Variants in BAZ1B observed in about 807,000 individuals in gnomAD.
BAZ1B encodes tyrosine-protein kinase BAZ1B.
In BAZ1B, 22 loss-of-function variants were observed where a neutral mutation model predicts 153.8. That is an observed-to-expected ratio of 0.14 (90% CI 0.10 to 0.20). The LOEUF (loss-of-function observed/expected upper bound fraction) is 0.20, where lower values mean the gene tolerates loss of function less well. Ranked by LOEUF, BAZ1B falls within the 10% of genes least tolerant of loss-of-function variation. The pLI is 1.00. For synonymous variants in BAZ1B, 676 were observed against 633.4 expected (o/e 1.07, Z -1.01); for missense variants, 1,325 against 1,799.3 (o/e 0.74, Z 4.77).
intron 6 of BAZ1B, among the ~76,000 whole-genome samples, chr7:73,487,422 C>T (rs532815976): frequency 1.3e-5 from 2 of 152,232 alleles, no homozygotes; most frequent in South Asian, 2.1e-4. Context: ...GAGCAAGACC[C>T]TGTCTCTAAA....
chr7:73,460,192 GAAAAAAAA>G (rs782211272), intron 12 of BAZ1B, among the ~76,000 whole-genome samples: 5 of 73,872 alleles, frequency 6.8e-5, no homozygotes, highest in Admixed American at 1.6e-4. Flanking sequence ...CCGTCTCAGG[GAAAAAAAA>G]AAAAAAAAAA....
intron 3 of BAZ1B, among the ~76,000 whole-genome samples, chr7:73,502,555 T>C (rs1790175734): frequency 6.6e-6 from 1 of 151,090 alleles, no homozygotes; most frequent in Admixed American, 6.6e-5. Context: ...GGCAACTTGG[T>C]GAAACCCCAT....
chr7:73,472,087 CTT>C lies in BAZ1B; in HGVS notation c.2594-1606_2594-1605del, dbSNP rs745325640. Among the ~76,000 whole-genome samples the C allele has an allele frequency of 4.9e-4, 75 of 152,294 alleles. 1 individual carries two copies. The highest frequency in any genetic ancestry group is 1.5e-3 in the African/African-American group (64 of 41,574). The stretch of plus-strand genomic sequence containing the variant: ...TTGGTAAAACACTAATATTCTGTCT[CTT>C]GTTTCCATACAAATAACAGAGTATC... On this transcript the variant is annotated intron_variant, in intron 7 of 19. Coordinates refer to ENST00000339594, the MANE Select transcript of BAZ1B (RefSeq NM_032408.4).
intron 1 of BAZ1B, among the ~76,000 whole-genome samples, chr7:73,518,645 C>T (rs1790911142): frequency 6.6e-6 from 1 of 152,048 alleles, no homozygotes; most frequent in African/African-American, 2.4e-5. Flanking sequence ...CAAGGCTTCC[C>T]TGTGCTACCA....
At chr7:73,492,430 G>T (rs1789689188) in intron 5 of BAZ1B, among the ~76,000 whole-genome samples, 1 of 152,178 alleles carries the variant, frequency 6.6e-6, no homozygotes, top group South Asian at 2.1e-4. Context: ...CCAAAGTACT[G>T]GGATTACAGG....
At chr7:73,516,952 C>T (rs1490564774) in intron 1 of BAZ1B, among the ~76,000 whole-genome samples, 3 of 148,322 alleles carry the variant, frequency 2.0e-5, no homozygotes, top group African/African-American at 5.0e-5. Context: ...AGGCTGAGGC[C>T]GGTGGATCAA....
chr7:73,508,258 T>A, intron 3 of BAZ1B, 69 bp downstream of exon 3: 1 of 1,501,920 alleles, frequency 6.7e-7, no homozygotes, highest in Non-Finnish European at 9.1e-7. Flanking sequence ...CATAGAAATG[T>A]GTTCTGTAAC....
chr7:73,445,001 T>A (rs1000632474), intron 16 of BAZ1B, among the ~76,000 whole-genome samples: 10 of 145,264 alleles, frequency 6.9e-5, no homozygotes, highest in African/African-American at 2.6e-4. Flanking sequence ...GAAACAAGGG[T>A]GTAACTCCAT....
At chr7:73,461,300 T>C (rs1052593648) in intron 12 of BAZ1B, among the ~76,000 whole-genome samples, 1 of 152,094 alleles carries the variant, frequency 6.6e-6, no homozygotes, top group Admixed American at 6.6e-5. Context: ...TCTTAAAAGA[T>C]CAATTAATTT....
At position 73,470,348 on chromosome 7, in the gene BAZ1B, T is replaced by C; in HGVS notation, c.2729A>G (p.Asn910Ser). 6.2e-7 allele frequency: 1 copy of C among 1,610,898 alleles called. No homozygotes were observed. The highest frequency in any genetic ancestry group is 1.1e-5 in the South Asian group (1 of 90,598). Reference sequence around the variant, plus strand: ...AAAATTTGGTTTAGGAACTGACCTATTATGGTTTCGATCTGTGCCAATAGG... The same window carrying C: ...AAAATTTGGTTTAGGAACTGACCTACTATGGTTTCGATCTGTGCCAATAGG... ...RTPIGTDRNH[N>S]RYWLFSDEVP... The change falls in exon 8 of 20, where the codon AAT (asparagine) becomes AGT (serine). Residue 910 changes from asparagine (N) to serine (S), a missense_variant. By Grantham distance (46) the Asn-to-Ser change is conservative (BLOSUM62 1). Coordinates refer to ENST00000339594, the MANE Select transcript of BAZ1B (RefSeq NM_032408.4).
At chr7:73,472,635 G>A (rs1015979387) in intron 7 of BAZ1B, among the ~76,000 whole-genome samples, 13 of 152,124 alleles carry the variant, frequency 8.5e-5, no homozygotes, top group Non-Finnish European at 1.6e-4. Context: ...GGAGTGCAAC[G>A]GCATGATCTC....
rs1179550848 is a variant in BAZ1B at position 73,509,321 on chromosome 7, CAA to C, written c.225-852_225-851del. ...TGGGCAACAGAGAGAGACTCAGTCT[CAA>C]AAAACAAACAAACAAAAAAAAACAC... On this transcript the variant is annotated intron_variant, in intron 2 of 19. Transcript: ENST00000339594. Among the ~76,000 whole-genome samples the C allele has an allele frequency of 4.6e-5, 7 of 151,658 alleles. No individual in the cohort carries two copies. In the East Asian group the frequency reaches 9.7e-4, roughly 21 times the overall value.
chr7:73,448,196 C>T (rs1340135295), intron 15 of BAZ1B, among the ~76,000 whole-genome samples: 1 of 152,030 alleles, frequency 6.6e-6, no homozygotes, highest in Non-Finnish European at 1.5e-5. Context: ...CCTAGCTACT[C>T]GGGAGGCTGA....
At chr7:73,509,875 C>A (rs1554578337) in intron 2 of BAZ1B, among the ~76,000 whole-genome samples, 1 of 152,042 alleles carries the variant, frequency 6.6e-6, no homozygotes, top group African/African-American at 2.4e-5. Context: ...GCCTGTAATC[C>A]CAGCACTTTG....
chr7:73,442,444 G>C lies in BAZ1B; in HGVS notation c.4204C>G (p.Gln1402Glu). ...KCSCGSYRSV[Q>E]EFLTDMKQVF... The stretch of plus-strand genomic sequence containing the variant: ...TGCTTCATGTCAGTAAGAAACTCCT[G>C]CACAGAGCGGTAGCTCCCACAGGAA... The change falls in exon 19 of 20, where the codon CAG becomes GAG. Residue 1402 changes from glutamine (Q) to glutamate (E), a missense_variant. Around this residue, in one of 9 missense-constraint regions of BAZ1B, gnomAD observed 271 missense variants for 337.2 expected, o/e 0.80. Coordinates refer to ENST00000339594, the MANE Select transcript of BAZ1B (RefSeq NM_032408.4). 2 of 1,614,198 alleles carry C rather than the reference G, an allele frequency of 1.2e-6. No homozygotes were observed. Among genetic ancestry groups the C allele is most frequent in the Non-Finnish European group, 1.7e-6 (2 of 1,180,036 alleles).
At chr7:73,456,512 T>G (rs1378979299) in intron 13 of BAZ1B, among the ~76,000 whole-genome samples, 3 of 152,098 alleles carry the variant, frequency 2.0e-5, no homozygotes, top group Non-Finnish European at 4.4e-5. Flanking sequence ...TTTCTCCAAA[T>G]AAGGTAGACA....
intron 15 of BAZ1B, among the ~76,000 whole-genome samples, chr7:73,448,259 G>A (rs1247262633): frequency 1.3e-5 from 2 of 152,132 alleles, no homozygotes; most frequent in East Asian, 3.8e-4. Context: ...AGCCGAGATC[G>A]CGCCATCGTA....
rs1554573237 is a variant in BAZ1B, at chr7:73,478,544, TTAG to T, written c.914_916del (p.Thr305del). ...GTCTGGGGATCCAGTATTCTTCCTC[TTAG>T]TAGAAGGGTTGAGAGTCATATACTA... is the stretch of plus-strand genomic sequence containing the variant. On this transcript the variant is annotated inframe_deletion, in exon 7 of 20. Coordinates refer to ENST00000339594, the MANE Select transcript of BAZ1B (RefSeq NM_032408.4). 1.9e-6 allele frequency: 3 copies of T among 1,548,920 alleles called. No homozygotes were observed. The highest frequency in any genetic ancestry group is 2.8e-5 in the African/African-American group (2 of 72,116).
chr7:73,489,489 C>G, intron 5 of BAZ1B, 98 bp from the exon 6 acceptor site: 1 of 1,229,248 alleles, frequency 8.1e-7, no homozygotes, highest in East Asian at 2.4e-5. Flanking sequence ...AATCAAAATT[C>G]CATCTATATC....
Sources: gnomAD v4.1 joint callset for allele counts (sites outside exome capture counted in the v4.1 genomes callset) on GRCh38, gnomAD v4.1.1 for gene constraint, gnomAD v4.1.1 regional missense constraint, MANE v1.5 for transcripts, NCBI Gene and HGNC (gene_info 2026-07-23, HGNC 2026-07-21) for gene names.